TAFA5: variants seen among roughly 807,000 people sequenced by gnomAD.
TAFA5 encodes TAFA chemokine like family member 5.
A neutral mutation model predicts 15.3 loss-of-function variants in TAFA5; 6 were observed. The observed-to-expected ratio is 0.39, with a 90% CI of 0.21 to 0.77. The LOEUF (loss-of-function observed/expected upper bound fraction) is 0.77. Ranked by LOEUF, TAFA5 falls within the 30% of genes least tolerant of loss-of-function variation. TAFA5 has a pLI of 0.41. For missense variants in TAFA5, 161 were observed against 193.1 expected, an observed-to-expected ratio of 0.83 and a Z score of 0.98; for synonymous variants, 103 against 80.7, an observed-to-expected ratio of 1.28 and a Z score of -1.48.
intron 1 of TAFA5, among the ~76,000 whole-genome samples, chr22:48,608,008 G>T (rs1048318960): frequency 6.6e-6 from 1 of 150,770 alleles, no homozygotes; most frequent in Non-Finnish European, 1.5e-5. Flanking sequence ...CCTGGGGAAC[G>T]TGGAGGGAAT....
intron 3 of TAFA5, among the ~76,000 whole-genome samples, chr22:48,727,740 A>T (rs1929753293): frequency 6.6e-6 from 1 of 152,240 alleles, no homozygotes; most frequent in Non-Finnish European, 1.5e-5. Context: ...AAAGCAAAAA[A>T]TAAATAAAGA....
In TAFA5 at chr22:48,641,930, A is replaced by G. The variant is rs73891317; in HGVS notation, c.113-4667A>G. On this transcript the variant is annotated intron_variant, in intron 1 of 3. Transcript: ENST00000402357. ...CCTTATTTAAAAACAAAAAAAGATG[A>G]GAGAAAAGACAGAAACACCATCCCC... Among the ~76,000 whole-genome samples the G allele has an allele frequency of 8.5e-3, 1,300 of 152,314 alleles. 19 individuals are homozygous for G. Among genetic ancestry groups the G allele is most frequent in the African/African-American group, 0.029 (1,223 of 41,570 alleles).
chr22:48,656,808 A>C (rs1429806933), intron 2 of TAFA5, among the ~76,000 whole-genome samples: 2 of 114,784 alleles, frequency 1.7e-5, no homozygotes, highest in African/African-American at 6.7e-5. Flanking sequence ...TCTGTTGCCC[A>C]GGCTAGAGTG....
chr22:48,677,090 T>G (rs1214689954), intron 2 of TAFA5, among the ~76,000 whole-genome samples: 1 of 152,260 alleles, frequency 6.6e-6, no homozygotes, highest in Non-Finnish European at 1.5e-5. Flanking sequence ...AAATCTGTAT[T>G]AAGACACAAT....
chr22:48,719,173 G>T (rs953926180), intron 3 of TAFA5, among the ~76,000 whole-genome samples: 1 of 152,276 alleles, frequency 6.6e-6, no homozygotes, highest in Non-Finnish European at 1.5e-5. Flanking sequence ...GCACACACCC[G>T]CAGGGGCTCT....
At chr22:48,632,547 G>A (rs536317490) in intron 1 of TAFA5, among the ~76,000 whole-genome samples, 8 of 152,208 alleles carry the variant, frequency 5.3e-5, no homozygotes, top group Admixed American at 1.3e-4. Context: ...CCCTTGCGGG[G>A]ATACTAGGGT....
intron 1 of TAFA5, among the ~76,000 whole-genome samples, chr22:48,578,100 G>A (rs1205110501): frequency 6.6e-6 from 1 of 152,242 alleles, no homozygotes; most frequent in South Asian, 2.1e-4. Flanking sequence ...TTGTGTTCGC[G>A]CTGCAAGTTC....
chr22:48,671,455 C>T (rs1364171532), intron 2 of TAFA5, among the ~76,000 whole-genome samples: 1 of 152,146 alleles, frequency 6.6e-6, no homozygotes, highest in Non-Finnish European at 1.5e-5. Context: ...GGGTACGTTC[C>T]ACTCTCTGTG....
At chr22:48,658,774 TCGA>T in intron 2 of TAFA5, among the ~76,000 whole-genome samples, 1 of 152,238 alleles carries the variant, frequency 6.6e-6, no homozygotes, top group South Asian at 2.1e-4. Context: ...ACCTAGGGCG[TCGA>T]CGTGTAGAGA....
intron 2 of TAFA5, among the ~76,000 whole-genome samples, chr22:48,690,959 G>A (rs1928522037): frequency 6.6e-6 from 1 of 151,998 alleles, no homozygotes; most frequent in Non-Finnish European, 1.5e-5. Flanking sequence ...GGTCCAGAGA[G>A]CGCCCACAGC....
intron 1 of TAFA5, among the ~76,000 whole-genome samples, chr22:48,572,197 A>G (rs1321152066): frequency 6.6e-6 from 1 of 152,252 alleles, no homozygotes; most frequent in Non-Finnish European, 1.5e-5. Context: ...AGCTTTCTGC[A>G]AACACCTAGT....
chr22:48,534,621 A>G (rs548228597), intron 1 of TAFA5, among the ~76,000 whole-genome samples: 3 of 152,248 alleles, frequency 2.0e-5, no homozygotes, highest in Admixed American at 2.0e-4. Context: ...CTCCAGCTTC[A>G]CTTCCGGGAA....
At chr22:48,704,033 A>G (rs768482582) in intron 2 of TAFA5, among the ~76,000 whole-genome samples, 24 of 152,202 alleles carry the variant, frequency 1.6e-4, no homozygotes, top group Admixed American at 4.6e-4. Context: ...GGCCCCGTTC[A>G]GCTCAAGATG....
intron 1 of TAFA5, among the ~76,000 whole-genome samples, chr22:48,600,116 C>G (rs1924909685): frequency 6.6e-6 from 1 of 152,160 alleles, no homozygotes; most frequent in East Asian, 1.9e-4. Context: ...CTGAGTGTGG[C>G]CCCCCGAGGC....
chr22:48,747,678 C>T (rs893310296), intron 3 of TAFA5, among the ~76,000 whole-genome samples: 1 of 152,088 alleles, frequency 6.6e-6, no homozygotes, highest in African/African-American at 2.4e-5. Flanking sequence ...GAGCGGATCA[C>T]CTGAGGTCAG....
chr22:48,712,144 C>T (rs959981475), intron 3 of TAFA5, among the ~76,000 whole-genome samples: 5 of 152,356 alleles, frequency 3.3e-5, no homozygotes, highest in African/African-American at 1.2e-4. Context: ...GCAACCTCCA[C>T]CTCCCGAGTT....
In TAFA5 at chr22:48,742,158, C is replaced by T. The variant is rs1408353095; in HGVS notation, c.391-7681C>T. On this transcript the variant is annotated intron_variant, in intron 3 of 3. Coordinates refer to ENST00000402357, the MANE Select transcript of TAFA5 (RefSeq NM_001082967.3). This position sits in a 1 kb window ranked among gnomAD's most constrained non-coding sequence, Gnocchi z 6.2. ...GGCTCCCCTGCCCAACCCCACAGGC[C>T]CCCTCATCCTTCACCAGGCACAGCC... Among the ~76,000 whole-genome samples the T allele has an allele frequency of 6.6e-6, 1 of 150,884 alleles. No individual in the cohort carries two copies. The highest frequency in any genetic ancestry group is 1.5e-5 in the Non-Finnish European group (1 of 67,680).
intron 1 of TAFA5, among the ~76,000 whole-genome samples, chr22:48,513,558 G>A (rs751844329): frequency 2.9e-4 from 44 of 152,212 alleles, no homozygotes; most frequent in Non-Finnish European, 5.1e-4. Flanking sequence ...TCCAGGACCC[G>A]GAGGCTTCCC....
At chr22:48,740,066 A>T (rs941363701) in intron 3 of TAFA5, among the ~76,000 whole-genome samples, 3 of 152,146 alleles carry the variant, frequency 2.0e-5, no homozygotes, top group Admixed American at 1.3e-4. Flanking sequence ...ACTGCTGCCC[A>T]TGCCCATCCC....
Sources: allele counts gnomAD v4.1 joint callset (sites outside exome capture counted in the v4.1 genomes callset), GRCh38; gene constraint gnomAD v4.1.1; non-coding constraint Gnocchi (gnomAD v3.1); transcripts MANE v1.5; gene names NCBI Gene and HGNC (gene_info 2026-07-23, HGNC 2026-07-21).